The following SDK1 variants were observed in gnomAD, a reference collection of about 807,000 sequenced individuals.
SDK1 encodes the protein protein sidekick-1.
Under a neutral mutation model 245.5 loss-of-function variants are expected in SDK1, and 157 were observed. The observed-to-expected ratio is 0.64, with a 90% CI of 0.56 to 0.73. SDK1 has a LOEUF of 0.73. Among genes scored for constraint, SDK1 ranks in the 30% least tolerant of loss-of-function variants. SDK1 has a pLI of 0.00. For synonymous variants in SDK1, 1,647 were observed against 1,278.5 expected, an observed-to-expected ratio of 1.29 and a Z score of -6.15; for missense variants, 3,583 against 3,002.3, an observed-to-expected ratio of 1.19 and a Z score of -4.52.
At chr7:3,392,747 A>G (rs371235874) in intron 1 of SDK1, among the ~76,000 whole-genome samples, 1 of 152,012 alleles carries the variant, frequency 6.6e-6, no homozygotes, top group Non-Finnish European at 1.5e-5. Context: ...TTTTATTTTC[A>G]TGATGTTTTC....
At chr7:3,575,470 TC>T (rs141310492) in intron 1 of SDK1, among the ~76,000 whole-genome samples, 2,383 of 151,994 alleles carry the variant, frequency 0.016, 59 homozygotes, top group African/African-American at 0.053. Flanking sequence ...CCTAAGAACA[TC>T]TAATTTGATG....
At chr7:3,693,782 T>C (rs1351896273) in intron 4 of SDK1, among the ~76,000 whole-genome samples, 1 of 152,182 alleles carries the variant, frequency 6.6e-6, no homozygotes, top group African/African-American at 2.4e-5. Flanking sequence ...GGCACTGGCC[T>C]ATAATTTTTA....
intron 5 of SDK1, among the ~76,000 whole-genome samples, chr7:3,847,836 A>T (rs545359044): frequency 1.2e-3 from 183 of 152,344 alleles, no homozygotes; most frequent in African/African-American, 4.3e-3. Context: ...ACCATTTTCT[A>T]TTTCAAAAGT....
intron 1 of SDK1, among the ~76,000 whole-genome samples, chr7:3,476,824 G>T (rs991405336): frequency 2.6e-5 from 4 of 152,172 alleles, no homozygotes; most frequent in African/African-American, 9.7e-5. Context: ...GGGAACTCAG[G>T]CCTAATCTAA....
At position 3,669,154 on chromosome 7, in the gene SDK1, T is replaced by C. The variant is rs35730592; in HGVS notation, c.713+27049T>C. ...TGAACAAATAAGGTGGTAAAACATA[T>C]TGGTTAGTGTAAATGAATGTTGAAT... On this transcript the variant is annotated intron_variant, in intron 4 of 44. Transcript: ENST00000404826. Among the ~76,000 whole-genome samples the C allele has an allele frequency of 1.2e-3, 177 of 152,284 alleles. No individual in the cohort carries two copies. In the Middle Eastern group the frequency reaches 0.014, roughly 12 times the overall value.
chr7:3,487,294 C>A (rs1296171704), intron 1 of SDK1, among the ~76,000 whole-genome samples: 1 of 152,006 alleles, frequency 6.6e-6, no homozygotes, highest in African/African-American at 2.4e-5. Flanking sequence ...ACAACTTTAC[C>A]CATTATTTTG....
At chr7:3,485,823 C>G (rs1017810132) in intron 1 of SDK1, among the ~76,000 whole-genome samples, 2 of 150,474 alleles carry the variant, frequency 1.3e-5, no homozygotes, top group Admixed American at 6.7e-5. Flanking sequence ...ATTTATGAAT[C>G]CAACTATGGT....
intron 4 of SDK1, among the ~76,000 whole-genome samples, chr7:3,713,070 G>A (rs1785095344): frequency 6.6e-6 from 1 of 152,222 alleles, no homozygotes; most frequent in South Asian, 2.1e-4. Context: ...GTGCCAGGAG[G>A]CAGGTGCTGC....
chr7:3,833,827 A>G (rs956659498), intron 5 of SDK1, among the ~76,000 whole-genome samples: 1 of 152,188 alleles, frequency 6.6e-6, no homozygotes, highest in Admixed American at 6.5e-5. Context: ...CATGTTCTTG[A>G]TGAAAATCTA....
intron 1 of SDK1, among the ~76,000 whole-genome samples, chr7:3,352,075 C>A (rs1382740059): frequency 6.6e-6 from 1 of 150,504 alleles, no homozygotes; most frequent in African/African-American, 2.4e-5. Context: ...ACAGGAAAAT[C>A]CTTGTATGTC....
chr7:4,265,069 G>A (rs998502289), intron 44 of SDK1, 55 bp from the exon 45 acceptor site: 4 of 1,505,512 alleles, frequency 2.7e-6, no homozygotes, highest in Non-Finnish European at 3.6e-6. Context: ...TGCCCAGCAC[G>A]CTCCGGGCCC....
chr7:3,887,901 T>C (rs1781374675), intron 5 of SDK1, among the ~76,000 whole-genome samples: 1 of 152,216 alleles, frequency 6.6e-6, no homozygotes, highest in Non-Finnish European at 1.5e-5. Context: ...TTTGCTGGTA[T>C]TGGGTTTTCT....
intron 4 of SDK1, among the ~76,000 whole-genome samples, chr7:3,745,195 C>T (rs992972284): frequency 3.3e-5 from 5 of 152,170 alleles, no homozygotes; most frequent in African/African-American, 7.2e-5. Flanking sequence ...TCACTTAGCT[C>T]AGTTTCTCTA....
chr7:3,593,209 C>G (rs1452346972), intron 1 of SDK1, among the ~76,000 whole-genome samples: 3 of 152,140 alleles, frequency 2.0e-5, no homozygotes, highest in African/African-American at 7.2e-5. Flanking sequence ...TGCAGCAGCC[C>G]TTTTCTCAGC....
At chr7:3,616,714 C>G (rs1230791599) in intron 1 of SDK1, among the ~76,000 whole-genome samples, 2 of 152,074 alleles carry the variant, frequency 1.3e-5, no homozygotes, top group African/African-American at 2.4e-5. Flanking sequence ...TAGTGATCAA[C>G]AAAATGACAA....
chr7:3,359,843 C>T (rs1018172186), intron 1 of SDK1, among the ~76,000 whole-genome samples: 31 of 152,136 alleles, frequency 2.0e-4, no homozygotes, highest in African/African-American at 7.2e-4. Flanking sequence ...ACCCTGGAGA[C>T]AGGAATTCTT....
At chr7:4,028,851 A>G (rs1313379830) in intron 17 of SDK1, among the ~76,000 whole-genome samples, 1 of 151,980 alleles carries the variant, frequency 6.6e-6, no homozygotes, top group Admixed American at 6.6e-5. Context: ...TCAGCGGAAA[A>G]CCCATTGGAA....
chr7:4,010,329 C>G (rs1259019621), intron 14 of SDK1, among the ~76,000 whole-genome samples: 2 of 152,048 alleles, frequency 1.3e-5, no homozygotes, highest in Non-Finnish European at 2.9e-5. Flanking sequence ...CCTTCGGAAG[C>G]CTTGCCGGCA....
chr7:4,200,413 C>T (rs1017541376), intron 35 of SDK1, among the ~76,000 whole-genome samples: 7 of 152,266 alleles, frequency 4.6e-5, no homozygotes, highest in South Asian at 2.1e-4. Context: ...TAAAACAACA[C>T]ACATCTCCTA....
Sources: gnomAD v4.1 joint callset for allele counts (sites outside exome capture counted in the v4.1 genomes callset) on GRCh38, gnomAD v4.1.1 for gene constraint, MANE v1.5 for transcripts, NCBI Gene and HGNC (gene_info 2026-07-23, HGNC 2026-07-21) for gene names.